PHLPP2: variants seen among roughly 807,000 people sequenced by gnomAD.
PHLPP2 encodes the protein PH domain and leucine rich repeat protein phosphatase 2.
PHLPP2 carries 66 observed loss-of-function variants against 124.9 expected under a neutral mutation model. The ratio of observed to expected loss-of-function variants is 0.53; its 90% CI spans 0.43 to 0.65. The LOEUF is 0.65. PHLPP2 is among the 30% of genes least tolerant of loss of function. PHLPP2 has a pLI of 0.00. For missense variants in PHLPP2, 1,685 were observed against 1,600.4 expected (o/e 1.05, Z -0.90); for synonymous variants, 681 against 624.7 (o/e 1.09, Z -1.34).
intron 2 of PHLPP2, among the ~76,000 whole-genome samples, chr16:71,708,115 T>C (rs981728428): frequency 6.6e-6 from 1 of 152,104 alleles, no homozygotes; most frequent in Non-Finnish European, 1.5e-5. Context: ...ACATCGCCCA[T>C]TATCTCTCCA....
At position 71,681,904 on chromosome 16, in the gene PHLPP2, A is replaced by T. The variant is rs1291104066; in HGVS notation, c.737T>A (p.Val246Glu). Residue 246 changes from valine (V) to glutamate (E), a missense_variant and splice_region_variant, in exon 6 of 19, where the codon GTG (valine) becomes GAG (glutamate). Transcript: ENST00000568954. The part of the protein sequence containing the change: ...YQRWQRQASK[V>E]VSQRISTVDL... ...CACGGTACTGATTCGCTGGGACACC[A>T]CCTGAATAATGTCAAAGAGAAGAGC... The T allele has an allele frequency of 6.2e-7, 1 of 1,600,600 alleles. No individual in the cohort carries two copies. The highest frequency in any genetic ancestry group is 8.5e-7 in the Non-Finnish European group (1 of 1,173,176).
At position 71,708,396 on chromosome 16, in the gene PHLPP2, C is replaced by T. The variant is rs906884630; in HGVS notation, c.285-5665G>A. ...GCATCTTGTAACCCCCAACCCTGCC[C>T]GCAAGAGCAGGTTGACTGTAATTTT... On this transcript the variant is annotated intron_variant, in intron 2 of 18. Coordinates refer to ENST00000568954, the MANE Select transcript of PHLPP2 (RefSeq NM_015020.3). Among the ~76,000 whole-genome samples, 15 of 152,242 alleles carry T rather than the reference C, an allele frequency of 9.9e-5. No individual in the cohort carries two copies. In the South Asian group the frequency reaches 1.4e-3, roughly 15 times the overall value.
At chr16:71,706,946 ATTTTTTTTTT>A in intron 2 of PHLPP2, among the ~76,000 whole-genome samples, 1 of 71,256 alleles carries the variant, frequency 1.4e-5, no homozygotes, top group Admixed American at 2.2e-4. Flanking sequence ...AAGATACACC[ATTTTTTTTTT>A]TTTTTTTTTT....
intron 2 of PHLPP2, among the ~76,000 whole-genome samples, chr16:71,713,332 A>G (rs1417680116): frequency 2.0e-5 from 3 of 152,162 alleles, no homozygotes; most frequent in East Asian, 3.8e-4. Flanking sequence ...TACTACTAAC[A>G]TATTTTTGAG....
chr16:71,657,810 G>C (rs2145311286), intron 15 of PHLPP2, among the ~76,000 whole-genome samples: 1 of 152,264 alleles, frequency 6.6e-6, no homozygotes, highest in South Asian at 2.1e-4. Flanking sequence ...GAAAGGAAAG[G>C]GGTAGGAGGA....
intron 2 of PHLPP2, among the ~76,000 whole-genome samples, chr16:71,710,306 C>T (rs758516300): frequency 1.3e-5 from 2 of 152,148 alleles, no homozygotes; most frequent in African/African-American, 2.4e-5. Context: ...CAGATGATCT[C>T]TCTAAGGTTT....
chr16:71,671,716 C>T (rs1203576242), intron 10 of PHLPP2, among the ~76,000 whole-genome samples: 1 of 151,892 alleles, frequency 6.6e-6, no homozygotes, highest in Non-Finnish European at 1.5e-5. Context: ...AGATCCAGAC[C>T]ATCCTGGCTA....
chr16:71,649,313 G>C lies in PHLPP2; in HGVS notation c.3549C>G (p.Pro1183=), dbSNP rs1299917005. ...GGGTAGGAGAACTCTCTATGAGAGG[G>C]GGTGAGTTCTCCAGATCCCTCCCCC... ...CCRGRDLENS[P]PLIESSPTLC... The change falls in exon 19 of 19, where the codon CCC becomes CCG. Residue 1183 remains proline, a synonymous_variant. Coordinates refer to ENST00000568954, the MANE Select transcript of PHLPP2 (RefSeq NM_015020.3). 6.2e-7 allele frequency: 1 copy of C among 1,613,824 alleles called. No individual in the cohort carries two copies. Among genetic ancestry groups the C allele is most frequent in the Non-Finnish European group, 8.5e-7 (1 of 1,179,802 alleles).
Position 71,714,684 on chromosome 16 carries a change from C to A in PHLPP2, c.112G>T (p.Ala38Ser). 9 of 1,613,600 alleles carry A rather than the reference C, an allele frequency of 5.6e-6. No individual in the cohort carries two copies. Among genetic ancestry groups the A allele is most frequent in the Non-Finnish European group, 7.6e-6 (9 of 1,179,754 alleles). The change falls in exon 2 of 19, where the codon GCA becomes TCA. Residue 38 changes from alanine to serine, a missense_variant. By Grantham distance (99) the Ala-to-Ser change is moderately conservative (BLOSUM62 1). Transcript: ENST00000568954. ...GTTGTAGTGGCAGTGGTAGTGTCTG[C>A]TCCATAAAGGTAAACACAGCCTCTC... The part of the protein sequence containing the change: ...VKRGCVYLYG[A>S]DTTTATTTTT...
At chr16:71,696,446 G>A (rs1053802906) in intron 3 of PHLPP2, among the ~76,000 whole-genome samples, 5 of 152,080 alleles carry the variant, frequency 3.3e-5, no homozygotes, top group Non-Finnish European at 7.4e-5. Flanking sequence ...AGACCAGCCT[G>A]ACCAACATGG....
intron 3 of PHLPP2, among the ~76,000 whole-genome samples, chr16:71,692,723 G>A (rs560001551): frequency 3.3e-5 from 5 of 151,948 alleles, no homozygotes; most frequent in Non-Finnish European, 5.9e-5. Flanking sequence ...TATAACCTAC[G>A]CACAACTTCC....
rs760008579 is a variant in PHLPP2 at position 71,649,074 on chromosome 16, T to C, written c.3788A>G (p.Lys1263Arg). The change falls in exon 19 of 19, where the codon AAG becomes AGG. Residue 1263 changes from lysine (K) to arginine (R), a missense_variant. By Grantham distance (26) the Lys-to-Arg change is conservative. Transcript: ENST00000568954. ...NLIEVATEVPKRKTGYFAAPT... is the reference protein window; with the variant it reads ...NLIEVATEVPRRKTGYFAAPT... ...GGCAGCAAAATAGCCAGTTTTCCTC[T>C]TGGGCACTTCTGTGGCCACTTCAAT... 5 of 1,614,052 alleles carry C rather than the reference T, an allele frequency of 3.1e-6. No individual in the cohort carries two copies. The highest frequency in any genetic ancestry group is 8.5e-7 in the Non-Finnish European group (1 of 1,180,028).
rs943661246 is a variant in PHLPP2 at position 71,647,524 on chromosome 16, G to A, written c.*1366C>T. The A allele has an allele frequency of 6.6e-6, 1 of 152,222 alleles. No homozygotes were observed. Among genetic ancestry groups the A allele is most frequent in the Non-Finnish European group, 1.5e-5 (1 of 68,032 alleles). The allele number at this position is 152,222 out of a possible 1,614,324, so 9.4% of individuals were successfully genotyped here. On this transcript the variant is annotated 3_prime_UTR_variant, in exon 19 of 19. Transcript: ENST00000568954. The stretch of plus-strand genomic sequence containing the variant: ...ATAGGAGAAGGAACAAGTCTAACCT[G>A]AGTGCTCCATCCATCTGTTCTCATT...
chr16:71,704,930 G>A (rs371243435), intron 2 of PHLPP2, among the ~76,000 whole-genome samples: 17 of 152,294 alleles, frequency 1.1e-4, no homozygotes, highest in Admixed American at 9.2e-4. Flanking sequence ...TCAAGACAAG[G>A]AGAGTAAGGA....
intron 1 of PHLPP2, among the ~76,000 whole-genome samples, chr16:71,717,779 A>G (rs558693546): frequency 1.3e-5 from 2 of 152,334 alleles, no homozygotes; most frequent in Non-Finnish European, 2.9e-5. Flanking sequence ...GAGAAAAAAG[A>G]GTAAGCAGAC....
intron 10 of PHLPP2, 145 bp downstream of exon 10, chr16:71,672,117 T>C (rs895118813): frequency 3.1e-6 from 2 of 645,604 alleles, no homozygotes; most frequent in South Asian, 1.9e-5. Flanking sequence ...ATTAAACTTA[T>C]TCGTCCATTC....
chr16:71,679,057 A>T, intron 7 of PHLPP2, 72 bp from the exon 8 acceptor site: 1 of 821,228 alleles, frequency 1.2e-6, no homozygotes, highest in Non-Finnish European at 2.0e-6. Flanking sequence ...AGAGTTAGGG[A>T]TTCTGATTTA....
At chr16:71,673,767 AC>A (rs1365877168) in intron 9 of PHLPP2, among the ~76,000 whole-genome samples, 1 of 152,150 alleles carries the variant, frequency 6.6e-6, no homozygotes, top group African/African-American at 2.4e-5. Flanking sequence ...CACTGTTTAG[AC>A]ACATTAAGGA....
At chr16:71,694,602 T>C (rs2045150081) in intron 3 of PHLPP2, among the ~76,000 whole-genome samples, 1 of 151,994 alleles carries the variant, frequency 6.6e-6, no homozygotes, top group Admixed American at 6.5e-5. Flanking sequence ...CCAAAAGATA[T>C]ATATTCAGAA....
Sources: gnomAD v4.1 joint callset for allele counts (sites outside exome capture counted in the v4.1 genomes callset) on GRCh38, gnomAD v4.1.1 for gene constraint, MANE v1.5 for transcripts, NCBI Gene and HGNC (gene_info 2026-07-23, HGNC 2026-07-21) for gene names.